EPHA6: variants seen among roughly 807,000 people sequenced by gnomAD.
EPHA6 encodes EPH receptor A6, also known as ephrin type-A receptor 6.
Under a neutral mutation model 112.0 loss-of-function variants are expected in EPHA6, and 50 were observed. The observed-to-expected ratio is 0.45, with a 90% CI of 0.36 to 0.56. The LOEUF (loss-of-function observed/expected upper bound fraction) is 0.56, where lower values mean the gene tolerates loss of function less well. Among genes scored for constraint, EPHA6 ranks in the 20% least tolerant of loss-of-function variants. The probability of loss-of-function intolerance (pLI) is 0.00; values close to 1 mark genes in which losing one functional copy is unlikely to be tolerated. For missense variants in EPHA6, 1,280 were observed against 1,417.4 expected (o/e 0.90, Z 1.56); for synonymous variants, 529 against 490.7 (o/e 1.08, Z -1.03).
At chr3:97,552,180 G>C (rs1030381000) in intron 11 of EPHA6, among the ~76,000 whole-genome samples, 1 of 152,166 alleles carries the variant, frequency 6.6e-6, no homozygotes, top group Non-Finnish European at 1.5e-5. Context: ...AAATGTGGAA[G>C]ACTGTGTTTA....
Position 97,553,388 on chromosome 3 carries a change from A to G in EPHA6, c.2386+20845A>G, listed in dbSNP as rs538868315. ...ATCTAAAGTAGCCCTCCCCAACCCC[A>G]GATACTACTTATTTTATATGTTTTG... On this transcript the variant is annotated intron_variant, in intron 11 of 17. Transcript: ENST00000389672. Among the ~76,000 whole-genome samples, 4 of 152,170 alleles carry G rather than the reference A, an allele frequency of 2.6e-5. No individual in the cohort carries two copies. In the East Asian group the frequency reaches 7.7e-4, roughly 29 times the overall value.
chr3:97,314,163 C>T (rs567067655), intron 5 of EPHA6, among the ~76,000 whole-genome samples: 2 of 151,522 alleles, frequency 1.3e-5, no homozygotes, highest in South Asian at 4.2e-4. Flanking sequence ...TTCTTGGCAC[C>T]TTTGTCAAAA....
intron 10 of EPHA6, among the ~76,000 whole-genome samples, chr3:97,530,999 G>A (rs1174404607): frequency 2.6e-5 from 4 of 152,008 alleles, no homozygotes; most frequent in African/African-American, 9.7e-5. Flanking sequence ...GTGTCTTACA[G>A]TTGGCCATAA....
rs115713930 is a variant in EPHA6, at chr3:97,208,107, T to C, written c.1115-18157T>C. Among the ~76,000 whole-genome samples, 1,471 of 152,218 alleles carry C rather than the reference T, an allele frequency of 9.7e-3. 19 individuals carry two copies. Among genetic ancestry groups the C allele is most frequent in the African/African-American group, 0.031 (1,299 of 41,550 alleles). On this transcript the variant is annotated intron_variant, in intron 3 of 17. Transcript: ENST00000389672. ...GGCATTAGAAGTTCTGAATCTCGAGTGTCTGCTGTTGCTGCATATAGCATT... is the reference window on the plus strand; with the variant it reads ...GGCATTAGAAGTTCTGAATCTCGAGCGTCTGCTGTTGCTGCATATAGCATT...
At chr3:97,259,913 G>T (rs369092221) in intron 5 of EPHA6, among the ~76,000 whole-genome samples, 66 of 150,908 alleles carry the variant, frequency 4.4e-4, no homozygotes, top group Middle Eastern at 3.4e-3. Flanking sequence ...CGATTCTTCC[G>T]CCTCAGCCTC....
At chr3:97,291,929 A>G (rs1197098102) in intron 5 of EPHA6, among the ~76,000 whole-genome samples, 3 of 152,052 alleles carry the variant, frequency 2.0e-5, no homozygotes, top group African/African-American at 7.2e-5. Flanking sequence ...GGCAGGTTGC[A>G]CTCTGCTTGA....
chr3:97,105,348 G>A (rs879376835), intron 3 of EPHA6, among the ~76,000 whole-genome samples: 1 of 151,914 alleles, frequency 6.6e-6, no homozygotes, highest in Non-Finnish European at 1.5e-5. Context: ...CTGGTATGTT[G>A]TATCTTTGTT....
intron 3 of EPHA6, among the ~76,000 whole-genome samples, chr3:97,201,361 A>C (rs902478839): frequency 3.3e-5 from 5 of 152,032 alleles, no homozygotes; most frequent in Non-Finnish European, 5.9e-5. Flanking sequence ...TTGTTTCTTC[A>C]ATTTTATATA....
At chr3:97,487,036 T>C (rs528910425) in intron 10 of EPHA6, among the ~76,000 whole-genome samples, 1 of 152,328 alleles carries the variant, frequency 6.6e-6, no homozygotes, top group East Asian at 1.9e-4. Context: ...GTGACTTAAG[T>C]GGTAGTCTAG....
intron 11 of EPHA6, among the ~76,000 whole-genome samples, chr3:97,579,169 T>C (rs751574744): frequency 1.3e-5 from 2 of 152,216 alleles, no homozygotes; most frequent in Non-Finnish European, 2.9e-5. Flanking sequence ...TAAGCAATAA[T>C]ATTGTCACTT....
intron 5 of EPHA6, among the ~76,000 whole-genome samples, chr3:97,274,657 T>C (rs2080007560): frequency 6.6e-6 from 1 of 152,126 alleles, no homozygotes; most frequent in Non-Finnish European, 1.5e-5. Context: ...CAATGATACA[T>C]GTGGAAGATA....
chr3:96,817,108 G>T (rs1421875269), intron 1 of EPHA6, among the ~76,000 whole-genome samples: 2 of 151,888 alleles, frequency 1.3e-5, no homozygotes, highest in Non-Finnish European at 2.9e-5. Flanking sequence ...AGTACAGTGG[G>T]CAAAATAGTA....
chr3:96,904,142 G>A (rs922402870), intron 2 of EPHA6, among the ~76,000 whole-genome samples: 3 of 151,976 alleles, frequency 2.0e-5, no homozygotes, highest in African/African-American at 7.2e-5. Flanking sequence ...ATGCTGCTAT[G>A]AAGACACATG....
intron 2 of EPHA6, among the ~76,000 whole-genome samples, chr3:96,974,403 A>G (rs1477582779): frequency 6.6e-6 from 1 of 150,486 alleles, no homozygotes; most frequent in Non-Finnish European, 1.5e-5. Flanking sequence ...TTAAATCTGT[A>G]CTAAGTTGGT....
chr3:97,443,221 G>T lies in EPHA6; in HGVS notation c.1732-5347G>T, dbSNP rs188844859. ...AGTCAAACAGAAACGGAGAGAGAAA[G>T]GATGTAAATGACTTAGATGACTTCT... On this transcript the variant is annotated intron_variant, in intron 6 of 17. Transcript: ENST00000389672. Among the ~76,000 whole-genome samples, 984 of 152,030 alleles carry T rather than the reference G, an allele frequency of 6.5e-3. 2 individuals are homozygous for T. Among genetic ancestry groups the T allele is most frequent in the Non-Finnish European group, 0.011 (744 of 67,966 alleles).
intron 3 of EPHA6, among the ~76,000 whole-genome samples, chr3:97,011,815 G>T (rs2044095763): frequency 6.6e-6 from 1 of 152,058 alleles, no homozygotes; most frequent in Non-Finnish European, 1.5e-5. Flanking sequence ...TCCTCTAGTA[G>T]TTTTCAGTGT....
intron 15 of EPHA6, among the ~76,000 whole-genome samples, chr3:97,730,305 T>G (rs559772220): frequency 7.2e-5 from 11 of 152,230 alleles, no homozygotes; most frequent in Non-Finnish European, 1.5e-4. Flanking sequence ...GATTCTAGGT[T>G]GTTAAAAATT....
chr3:96,945,441 G>A (rs1266670408), intron 2 of EPHA6, among the ~76,000 whole-genome samples: 1 of 152,172 alleles, frequency 6.6e-6, no homozygotes, highest in Non-Finnish European at 1.5e-5. Flanking sequence ...CGAAAGTTGT[G>A]TAAGCCATGC....
At chr3:97,651,896 A>G (rs1181268672) in intron 14 of EPHA6, among the ~76,000 whole-genome samples, 2 of 151,810 alleles carry the variant, frequency 1.3e-5, no homozygotes, top group Admixed American at 6.6e-5. Flanking sequence ...GGTTTGTTGC[A>G]TGGGTAAATT....
Sources: allele counts gnomAD v4.1 joint callset (sites outside exome capture counted in the v4.1 genomes callset), GRCh38; gene constraint gnomAD v4.1.1; transcripts MANE v1.5; gene names NCBI Gene and HGNC (gene_info 2026-07-23, HGNC 2026-07-21).